The following RGS22 variants were observed in gnomAD, a reference collection of about 807,000 sequenced individuals.
The protein encoded by RGS22 is regulator of G-protein signaling 22.
Under a neutral mutation model 172.9 loss-of-function variants are expected in RGS22, and 148 were observed. The ratio of observed to expected loss-of-function variants is 0.86; its 90% CI spans 0.75 to 0.98. RGS22 has a LOEUF of 0.98. RGS22 is among the 50% of genes least tolerant of loss of function. The pLI, the probability that RGS22 is intolerant of heterozygous loss-of-function variation, is 0.00. For synonymous variants in RGS22, 458 were observed against 480.2 expected (o/e 0.95, Z 0.60); for missense variants, 1,347 against 1,440.8 (o/e 0.93, Z 1.05).
chr8:100,071,900 A>G (rs1811009790), intron 5 of RGS22, among the ~76,000 whole-genome samples: 1 of 152,198 alleles, frequency 6.6e-6, no homozygotes, highest in Non-Finnish European at 1.5e-5. Flanking sequence ...TCACCAATAG[A>G]TAATTTTTAA....
At chr8:100,094,062 G>A (rs1366810088) in intron 2 of RGS22, among the ~76,000 whole-genome samples, 1 of 152,172 alleles carries the variant, frequency 6.6e-6, no homozygotes. Context: ...CACGAGGAAA[G>A]TTTGACAATG....
At chr8:100,008,005 TTTTTTA>T (rs779960488) in intron 15 of RGS22, among the ~76,000 whole-genome samples, 38 of 151,590 alleles carry the variant, frequency 2.5e-4, no homozygotes, top group Non-Finnish European at 3.7e-4. Flanking sequence ...AACCTAACAA[TTTTTTA>T]TTTTTATTTT....
intron 11 of RGS22, among the ~76,000 whole-genome samples, chr8:100,044,288 C>A (rs1405552790): frequency 6.6e-6 from 1 of 152,208 alleles, no homozygotes; most frequent in East Asian, 1.9e-4. Flanking sequence ...ACTCTGTCGC[C>A]CAGGCTGGAG....
At chr8:100,072,892 A>G (rs1426898054) in intron 4 of RGS22, among the ~76,000 whole-genome samples, 2 of 152,212 alleles carry the variant, frequency 1.3e-5, no homozygotes, top group Admixed American at 1.3e-4. Context: ...CCATAAGTGT[A>G]GCAGTATTAG....
rs750137458 is a variant in RGS22, at chr8:100,002,213, G to A, written c.2779C>T (p.Gln927Ter). 1 of 1,585,938 alleles carries A rather than the reference G, an allele frequency of 6.3e-7. No homozygotes were observed. The highest frequency in any genetic ancestry group is 1.4e-5 in the African/African-American group (1 of 73,072). ...TTGCATGTTGATACCTGGTTCTGCTGATACAGAGAAGCTGGACTGTTGGGT... is the reference window on the plus strand; with the variant it reads ...TTGCATGTTGATACCTGGTTCTGCTAATACAGAGAAGCTGGACTGTTGGGT... ...FGPNSPASLY[Q>*]QNQVMHLSGG... The change falls in exon 18 of 28, where the codon CAG (glutamine) becomes TAG (stop). Residue 927 changes from glutamine (Q) to a stop codon, truncating the protein, a stop_gained. Coordinates refer to ENST00000360863, the MANE Select transcript of RGS22 (RefSeq NM_015668.5). LOFTEE classifies it high-confidence loss of function.
chr8:99,993,854 C>T (rs1421552811), intron 20 of RGS22, among the ~76,000 whole-genome samples: 1 of 152,106 alleles, frequency 6.6e-6, no homozygotes, highest in Non-Finnish European at 1.5e-5. Flanking sequence ...AACATCGATG[C>T]GAAAATCCTC....
At position 99,961,647 on chromosome 8, in the gene RGS22, G is replaced by A. The variant is rs1810208483; in HGVS notation, c.*46-451C>T. On this transcript the variant is annotated intron_variant, in intron 27 of 27. Transcript: ENST00000360863. ...CTTGGGTATTTCTTCATAGGAGCAT[G>A]AGAACGGACTAATACAGTTGTCATA... 2.6e-5 allele frequency among the ~76,000 whole-genome samples: 4 copies of A among 152,192 alleles called. No individual in the cohort carries two copies. The South Asian group carries it at 8.3e-4, about 31-fold the overall frequency.
At chr8:100,062,517 G>T in intron 9 of RGS22, 74 bp downstream of exon 9, 1 of 991,338 alleles carries the variant, frequency 1.0e-6, no homozygotes, top group Non-Finnish European at 1.5e-6. Flanking sequence ...TTATATATCC[G>T]TAAGACAAAA....
intron 27 of RGS22, among the ~76,000 whole-genome samples, 197 bp from the exon 28 acceptor site, chr8:99,961,393 G>T (rs1348633793): frequency 1.3e-5 from 2 of 152,186 alleles, no homozygotes; most frequent in Non-Finnish European, 1.5e-5. Context: ...CTGAAGCATG[G>T]GGGTGGTTAC....
chr8:100,060,330 G>A (rs752236616), intron 9 of RGS22, among the ~76,000 whole-genome samples: 9 of 147,582 alleles, frequency 6.1e-5, no homozygotes, highest in South Asian at 2.1e-4. Flanking sequence ...TGTATTCTCA[G>A]CATAGCACTT....
chr8:100,022,481 TAAGACATTTTAAGTAAAA>T, intron 14 of RGS22, among the ~76,000 whole-genome samples: 1 of 152,222 alleles, frequency 6.6e-6, no homozygotes, highest in East Asian at 1.9e-4. Flanking sequence ...GGTCATTGCT[TAAGACATTTTAAGTAAAA>T]TCAGTTGAGT....
rs540702642 is a variant in RGS22 at position 99,962,604 on chromosome 8, G to A, written c.3790+83C>T. The A allele has an allele frequency of 2.8e-4, 407 of 1,449,712 alleles. 2 individuals carry two copies. In the South Asian group the frequency reaches 4.2e-3, roughly 15 times the overall value. The allele number at this position is 1,449,712 out of a possible 1,614,324, so 89.8% of individuals were successfully genotyped here. A position where few individuals can be genotyped will look rare whatever the true frequency, so the allele number is the denominator to read the frequency against. On this transcript the variant is annotated intron_variant, in intron 26 of 27. Coordinates refer to ENST00000360863, the MANE Select transcript of RGS22 (RefSeq NM_015668.5). Reference sequence around the variant, plus strand: ...GGTCGGTCCTCACCCCTTCCTCCCTGTACATTCTGAATGGCCAGGTGAGAG... The same window carrying A: ...GGTCGGTCCTCACCCCTTCCTCCCTATACATTCTGAATGGCCAGGTGAGAG...
intron 2 of RGS22, among the ~76,000 whole-genome samples, chr8:100,101,632 T>G (rs1198794665): frequency 6.6e-6 from 1 of 151,808 alleles, no homozygotes; most frequent in Non-Finnish European, 1.5e-5. Flanking sequence ...CACTCTCACT[T>G]TAAACTTTCT....
intron 24 of RGS22, among the ~76,000 whole-genome samples, chr8:99,964,877 T>C (rs985593136): frequency 2.0e-5 from 3 of 152,212 alleles, no homozygotes; most frequent in African/African-American, 7.2e-5. Flanking sequence ...GTACTAGTTA[T>C]AAATGTACAT....
intron 2 of RGS22, among the ~76,000 whole-genome samples, chr8:100,096,994 G>T (rs906479268): frequency 6.6e-6 from 1 of 152,174 alleles, no homozygotes; most frequent in African/African-American, 2.4e-5. Flanking sequence ...TGAATCAGAA[G>T]AGACTCAAGT....
At chr8:99,987,353 G>A in intron 21 of RGS22, 105 bp downstream of exon 21, 2 of 771,966 alleles carry the variant, frequency 2.6e-6, no homozygotes, top group Non-Finnish European at 4.1e-6. Flanking sequence ...TAGCAAAATT[G>A]GGATATCTTA....
At chr8:99,963,095 TAAAG>T (rs1810385858) in intron 24 of RGS22, 117 bp from the exon 25 acceptor site, 1 of 762,172 alleles carries the variant, frequency 1.3e-6, no homozygotes, top group Non-Finnish European at 2.0e-6. Flanking sequence ...ATAACACACA[TAAAG>T]AAAAGTGCAC....
At chr8:100,027,605 T>C (rs3133686) in intron 14 of RGS22, among the ~76,000 whole-genome samples, 90,881 of 151,938 alleles carry the variant, frequency 0.6, 27,319 homozygotes, top group Admixed American at 0.65. Flanking sequence ...GTCTCAGCCT[T>C]CTGAGTAACT....
chr8:100,095,294 G>A (rs1028649282), intron 2 of RGS22, among the ~76,000 whole-genome samples: 1 of 151,952 alleles, frequency 6.6e-6, no homozygotes, highest in Non-Finnish European at 1.5e-5. Context: ...AGTGATTCTC[G>A]TGCCTCAGCC....
Sources: allele counts gnomAD v4.1 joint callset (sites outside exome capture counted in the v4.1 genomes callset), GRCh38; gene constraint gnomAD v4.1.1; transcripts MANE v1.5; gene names NCBI Gene and HGNC (gene_info 2026-07-23, HGNC 2026-07-21).